Variants in AK6 observed in about 807,000 individuals in gnomAD.
The protein encoded by AK6 is adenylate kinase 6, also known as adenylate kinase isoenzyme 6.
A neutral mutation model predicts 23.7 loss-of-function variants in AK6; 24 were observed. The observed-to-expected ratio is 1.01, with a 90% CI of 0.73 to 1.43. The LOEUF (loss-of-function observed/expected upper bound fraction) is 1.43. Among genes scored for constraint, AK6 ranks in the 40% most tolerant of loss-of-function variants. The pLI is 0.00. For missense variants in AK6, 191 were observed against 199.1 expected, an observed-to-expected ratio of 0.96 and a Z score of 0.24; for synonymous variants, 73 against 69.8, an observed-to-expected ratio of 1.05 and a Z score of -0.23.
In AK6 at chr5:69,351,397, C is replaced by T. The variant is rs1006244367; in HGVS notation, c.*664G>A. The T allele has an allele frequency of 6.6e-6, 1 of 151,986 alleles. No homozygotes were observed. The highest frequency in any genetic ancestry group is 2.4e-5 in the African/African-American group (1 of 41,368). 9.4% of individuals were successfully genotyped at this position (151,986 alleles called of 1,614,324 possible). A position where few individuals can be genotyped will look rare whatever the true frequency, so the allele number is the denominator to read the frequency against. Reference sequence around the variant, plus strand: ...TATCTATCTCAACTAAAAAAAAGAACAGGGAGGTCTGTACTGAGATGATAT... The same window carrying T: ...TATCTATCTCAACTAAAAAAAAGAATAGGGAGGTCTGTACTGAGATGATAT... On this transcript the variant is annotated 3_prime_UTR_variant, in exon 5 of 5. Coordinates refer to ENST00000380822, the MANE Select transcript of AK6 (RefSeq NM_016283.5).
upstream of AK6, chr5:69,369,725 TCAGG>T: frequency 1.3e-6 from 2 of 1,549,070 alleles, no homozygotes; most frequent in Non-Finnish European, 1.7e-6. Context: ...GTACTTCGGG[TCAGG>T]CAGTGCGCTG....
rs538654754 is a variant in AK6 at position 69,367,293 on chromosome 5, A to G, written c.29-698T>C. Among the ~76,000 whole-genome samples the G allele has an allele frequency of 1.5e-3, 226 of 151,828 alleles. 2 individuals carry two copies. The Middle Eastern group carries it at 0.017, about 11-fold the overall frequency. On this transcript the variant is annotated intron_variant, in intron 1 of 4. Transcript: ENST00000380822. The stretch of plus-strand genomic sequence containing the variant: ...TTTGGGAGGCCGAGGCGGGCAGATC[A>G]CAAGGTCAGGAGATTGAGACAATCC...
Position 69,369,441 on chromosome 5 carries a change from C to T in AK6, c.28+22G>A, listed in dbSNP as rs752096999. The T allele has an allele frequency of 1.1e-5, 18 of 1,609,190 alleles. No individual in the cohort carries two copies. In the African/African-American group the frequency reaches 2.4e-4, roughly 22 times the overall value. Reference sequence around the variant, plus strand: ...GCCCCCAGCCTGCCCCAGCCCAGTCCCTCCCGGCCGCGCGCCCTGACCGGT... The same window carrying T: ...GCCCCCAGCCTGCCCCAGCCCAGTCTCTCCCGGCCGCGCGCCCTGACCGGT... On this transcript the variant is annotated intron_variant, in intron 1 of 4. Transcript: ENST00000380822.
At chr5:69,352,922 G>A (rs1761984655) in intron 4 of AK6, among the ~76,000 whole-genome samples, 1 of 152,098 alleles carries the variant, frequency 6.6e-6, no homozygotes, top group Admixed American at 6.6e-5. Flanking sequence ...ATAAACACAT[G>A]ATGTCCACAC....
intron 4 of AK6, among the ~76,000 whole-genome samples, chr5:69,354,078 C>G (rs560914281): frequency 1.3e-5 from 2 of 152,128 alleles, no homozygotes; most frequent in Admixed American, 1.3e-4. Context: ...CTGCCTCCCC[C>G]TCACCACCCA....
At chr5:69,356,393 C>G (rs928827368) in intron 2 of AK6, among the ~76,000 whole-genome samples, 1 of 68,818 alleles carries the variant, frequency 1.5e-5, no homozygotes, top group African/African-American at 3.7e-5. Context: ...GGTGGCTTTG[C>G]GCTTGTAATC....
At chr5:69,362,545 T>C (rs1021761377) in intron 2 of AK6, among the ~76,000 whole-genome samples, 1 of 152,116 alleles carries the variant, frequency 6.6e-6, no homozygotes, top group Admixed American at 6.6e-5. Context: ...CCCAGCACTT[T>C]TGAGAGGTCA....
intron 2 of AK6, chr5:69,365,154 TGA>T (rs751838183): frequency 6.2e-7 from 1 of 1,614,222 alleles, no homozygotes; most frequent in Non-Finnish European, 8.5e-7. Flanking sequence ...AGCTGGAGAC[TGA>T]GAAGTAGGCA....
chr5:69,357,402 A>T (rs1206446902), intron 2 of AK6, among the ~76,000 whole-genome samples: 1 of 152,174 alleles, frequency 6.6e-6, no homozygotes, highest in East Asian at 1.9e-4. Context: ...TATACCACAA[A>T]CCCCAGATGG....
At chr5:69,365,820 G>C in intron 2 of AK6, 1 of 1,193,422 alleles carries the variant, frequency 8.4e-7, no homozygotes, top group African/African-American at 1.5e-5. Context: ...AGTAGCAACT[G>C]TCAGGAACTT....
intron 4 of AK6, among the ~76,000 whole-genome samples, chr5:69,353,689 AC>A: frequency 6.6e-6 from 1 of 152,226 alleles, no homozygotes; most frequent in African/African-American, 2.4e-5. Flanking sequence ...CCTACTATGT[AC>A]CCATAAAACT....
At chr5:69,365,544 G>C in intron 2 of AK6, 2 of 1,613,972 alleles carry the variant, frequency 1.2e-6, no homozygotes, top group Non-Finnish European at 1.7e-6. Context: ...TGCATCAACA[G>C]TAGCTTTCTT....
rs1762072770 is a variant in AK6, at chr5:69,355,904, A to G, written c.171T>C (p.Asp57=). The change falls in exon 3 of 5, where the codon GAT becomes GAC. Residue 57 remains aspartate, a synonymous_variant. Transcript: ENST00000380822. ...AAAAAGTCATACTTACTCTGTCTTC[A>G]TCTAAAATGGGACAGTCATACTCTT... ...YDEEYDCPIL[D]EDRVVDELDN... 1 of 1,610,248 alleles carries G rather than the reference A, an allele frequency of 6.2e-7. No homozygotes were observed. Among genetic ancestry groups the G allele is most frequent in the Non-Finnish European group, 8.5e-7 (1 of 1,178,858 alleles).
Position 69,363,484 on chromosome 5 carries a change from A to G in AK6, c.121+3019T>C, listed in dbSNP as rs113189672. ...AGGAACAAAACCACATTTCATATAG[A>G]TATAAAACAGAAAGGCCGGGCTGGG... On this transcript the variant is annotated intron_variant, in intron 2 of 4. Transcript: ENST00000380822. Among the ~76,000 whole-genome samples, 51 of 152,320 alleles carry G rather than the reference A, an allele frequency of 3.3e-4. 2 individuals carry two copies. The highest frequency in any genetic ancestry group is 1.1e-3 in the African/African-American group (47 of 41,576).
intron 1 of AK6, among the ~76,000 whole-genome samples, chr5:69,367,229 C>A (rs534819461): frequency 6.9e-4 from 105 of 151,710 alleles, no homozygotes; most frequent in African/African-American, 2.4e-3. Flanking sequence ...TTAGCCATCT[C>A]GTGCTGGGCG....
rs17356016 is a variant in AK6 at position 69,369,499 on chromosome 5, C to T, written c.-9G>A. 5 of 1,611,610 alleles carry T rather than the reference C, an allele frequency of 3.1e-6. No individual in the cohort carries two copies. The East Asian group carries it at 6.7e-5, about 22-fold the overall frequency. The stretch of plus-strand genomic sequence containing the variant: ...ATGTTCGGAAGCAACATGGTCCCCG[C>T]CGCGACGGCTTCGGGCGCCTCGCTC... On this transcript the variant is annotated 5_prime_UTR_variant, in exon 1 of 5. Transcript: ENST00000380822.
rs753648332 is a variant in AK6, at chr5:69,364,996, G to A, written c.121+1507C>T. The A allele has an allele frequency of 8.1e-6, 13 of 1,613,610 alleles. No individual in the cohort carries two copies. Among genetic ancestry groups the A allele is most frequent in the African/African-American group, 4.0e-5 (3 of 74,882 alleles). ...TCATCGTCATCATCATCATCTTCAC[G>A]TTTTCTTTTCAATGCATTTGATGAT... On this transcript the variant is annotated intron_variant, in intron 2 of 4. Coordinates refer to ENST00000380822, the MANE Select transcript of AK6 (RefSeq NM_016283.5).
rs1475384308 is a variant in AK6, at chr5:69,351,410, A to C, written c.*651T>G. 6.6e-6 allele frequency: 1 copy of C among 152,258 alleles called. No homozygotes were observed. The highest frequency in any genetic ancestry group is 1.5e-5 in the Non-Finnish European group (1 of 68,054). The allele number at this position is 152,258 out of a possible 1,614,324, so 9.4% of individuals were successfully genotyped here. On this transcript the variant is annotated 3_prime_UTR_variant, in exon 5 of 5. Coordinates refer to ENST00000380822, the MANE Select transcript of AK6 (RefSeq NM_016283.5). ...TAAAAAAAAGAACAGGGAGGTCTGTACTGAGATGATATAATCTTCAAATAT... is the reference window on the plus strand; with the variant it reads ...TAAAAAAAAGAACAGGGAGGTCTGTCCTGAGATGATATAATCTTCAAATAT...
At chr5:69,368,294 A>G (rs1762595991) in intron 1 of AK6, among the ~76,000 whole-genome samples, 1 of 152,204 alleles carries the variant, frequency 6.6e-6, no homozygotes, top group Admixed American at 6.5e-5. Flanking sequence ...CATCAAATTC[A>G]TAATTTTCAG....
Sources: allele counts gnomAD v4.1 joint callset (sites outside exome capture counted in the v4.1 genomes callset), GRCh38; gene constraint gnomAD v4.1.1; transcripts MANE v1.5; gene names NCBI Gene and HGNC (gene_info 2026-07-23, HGNC 2026-07-21).